Variants in PCDH15 observed in about 807,000 individuals in gnomAD.
PCDH15 encodes the protein protocadherin related 15.
PCDH15 carries 129 observed loss-of-function variants against 178.5 expected under a neutral mutation model. That is an observed-to-expected ratio of 0.72 (90% confidence interval 0.63 to 0.84). The LOEUF (loss-of-function observed/expected upper bound fraction) is 0.84. Among genes scored for constraint, PCDH15 ranks in the 40% least tolerant of loss-of-function variants. The probability of loss-of-function intolerance (pLI) is 0.00; values close to 1 mark genes in which losing one functional copy is unlikely to be tolerated. For synonymous variants in PCDH15, 800 were observed against 732.0 expected (o/e 1.09, Z -1.50); for missense variants, 2,230 against 2,099.9 (o/e 1.06, Z -1.21).
chr10:54,311,891 T>G (rs1398131161), intron 8 of PCDH15, among the ~76,000 whole-genome samples: 2 of 151,768 alleles, frequency 1.3e-5, no homozygotes, highest in Non-Finnish European at 2.9e-5. Flanking sequence ...TGAGATAAAT[T>G]TATTAATAGA....
Position 55,038,076 on chromosome 10 carries a change from A to T in PCDH15, c.-80+128500T>A, listed in dbSNP as rs1840779714. Reference sequence around the variant, plus strand: ...CACTCCTCTGGATTTCAAATTACTTATGATTTATTCTGAATTTATTATATG... The same window carrying T: ...CACTCCTCTGGATTTCAAATTACTTTTGATTTATTCTGAATTTATTATATG... On this transcript the variant is annotated intron_variant, in intron 2 of 5. Transcript: ENST00000458638. Among the ~76,000 whole-genome samples, 3 of 152,290 alleles carry T rather than the reference A, an allele frequency of 2.0e-5. No homozygotes were observed. The South Asian group carries it at 6.2e-4, about 32-fold the overall frequency.
intron 1 of PCDH15, among the ~76,000 whole-genome samples, chr10:54,752,444 T>C (rs1318701495): frequency 7.2e-6 from 1 of 139,762 alleles, no homozygotes; most frequent in Non-Finnish European, 1.5e-5. Context: ...GCCACTGCAC[T>C]CCAGCCTGGG....
At chr10:54,052,188 C>T (rs1304566707) in intron 18 of PCDH15, among the ~76,000 whole-genome samples, 2 of 152,220 alleles carry the variant, frequency 1.3e-5, no homozygotes, top group Non-Finnish European at 2.9e-5. Context: ...CACTGGGGCA[C>T]TGCCTAGTGA....
At chr10:54,366,473 G>A (rs1946808114) in intron 5 of PCDH15, among the ~76,000 whole-genome samples, 1 of 151,852 alleles carries the variant, frequency 6.6e-6, no homozygotes, top group African/African-American at 2.4e-5. Flanking sequence ...GCAAGATAGG[G>A]ATATCTATTT....
At chr10:54,815,249 T>C (rs1228510063) in intron 3 of PCDH15, among the ~76,000 whole-genome samples, 1 of 152,004 alleles carries the variant, frequency 6.6e-6, no homozygotes, top group East Asian at 1.9e-4. Flanking sequence ...ATAAAATATA[T>C]GTAGCTACTA....
At chr10:54,128,972 AAATAT>A (rs1330734953) in intron 15 of PCDH15, among the ~76,000 whole-genome samples, 2 of 152,330 alleles carry the variant, frequency 1.3e-5, no homozygotes, top group African/African-American at 4.8e-5. Context: ...AGATAAAATA[AAATAT>A]AATAGTTCTC....
intron 2 of PCDH15, among the ~76,000 whole-genome samples, chr10:55,119,110 A>G (rs1250594321): frequency 6.6e-6 from 1 of 152,156 alleles, no homozygotes; most frequent in Non-Finnish European, 1.5e-5. Flanking sequence ...TAGAAATTGC[A>G]TGTCCTTTGA....
chr10:55,246,196 C>T (rs920006337), intron 1 of PCDH15, among the ~76,000 whole-genome samples: 10 of 152,284 alleles, frequency 6.6e-5, no homozygotes, highest in East Asian at 1.9e-4. Context: ...TCACCATAAT[C>T]GGCTATGAAT....
At chr10:55,066,139 G>T (rs1230543324) in intron 2 of PCDH15, among the ~76,000 whole-genome samples, 10 of 151,394 alleles carry the variant, frequency 6.6e-5, no homozygotes, top group East Asian at 1.9e-4. Context: ...TTTAATCGAC[G>T]TATAAGGGTA....
chr10:55,298,571 G>A (rs1368785146), intron 1 of PCDH15, among the ~76,000 whole-genome samples: 1 of 152,024 alleles, frequency 6.6e-6, no homozygotes, highest in Non-Finnish European at 1.5e-5. Context: ...ATACCAACTG[G>A]ATAGTGTCGA....
At chr10:54,740,610 C>T (rs7916693) in intron 1 of PCDH15, among the ~76,000 whole-genome samples, 130,072 of 151,936 alleles carry the variant, frequency 0.86, 56,370 homozygotes, top group Non-Finnish European at 0.93. Context: ...ACAGCCAAGA[C>T]ATGACATTAA....
intron 2 of PCDH15, among the ~76,000 whole-genome samples, chr10:55,566,175 T>C (rs1351861636): frequency 1.3e-5 from 2 of 151,684 alleles, no homozygotes; most frequent in Non-Finnish European, 3.0e-5. Flanking sequence ...TTAAATGTAA[T>C]ATACCATATT....
intron 28 of PCDH15, among the ~76,000 whole-genome samples, 200 bp downstream of exon 28, chr10:53,856,975 G>T (rs1391556024): frequency 6.6e-6 from 1 of 152,004 alleles, no homozygotes; most frequent in East Asian, 1.9e-4. Context: ...AGGGGCATGA[G>T]GGCTGACAAA....
At chr10:54,051,592 C>T (rs2093776188) in intron 18 of PCDH15, among the ~76,000 whole-genome samples, 1 of 152,002 alleles carries the variant, frequency 6.6e-6, no homozygotes, top group South Asian at 2.1e-4. Context: ...TTTCTAAGTG[C>T]CAAAGGGTTC....
intron 5 of PCDH15, among the ~76,000 whole-genome samples, chr10:54,366,747 T>G (rs753180979): frequency 6.6e-6 from 1 of 150,930 alleles, no homozygotes. Flanking sequence ...ATATAAAGAG[T>G]ATGGGCAAAA....
intron 2 of PCDH15, among the ~76,000 whole-genome samples, chr10:54,998,752 C>A (rs531794069): frequency 6.6e-6 from 1 of 152,184 alleles, no homozygotes; most frequent in East Asian, 1.9e-4. Context: ...ACTAAATTTG[C>A]TATTCTGTTT....
chr10:55,422,386 C>T (rs1453486143), intron 2 of PCDH15, among the ~76,000 whole-genome samples: 4 of 151,760 alleles, frequency 2.6e-5, no homozygotes, highest in African/African-American at 9.7e-5. Context: ...AATATGATTC[C>T]TATACATTCC....
At chr10:53,975,530 T>A (rs2610898) in intron 21 of PCDH15, among the ~76,000 whole-genome samples, 65,182 of 151,994 alleles carry the variant, frequency 0.43, 14,269 homozygotes, top group Middle Eastern at 0.61. Flanking sequence ...CTCTGATTAT[T>A]AGTGATGAAC....
At chr10:54,312,356 G>A (rs1252553198) in intron 8 of PCDH15, among the ~76,000 whole-genome samples, 4 of 151,948 alleles carry the variant, frequency 2.6e-5, no homozygotes, top group African/African-American at 7.2e-5. Flanking sequence ...CCAGTACTAA[G>A]GATGATTTTA....
Sources: gnomAD v4.1 joint callset for allele counts (sites outside exome capture counted in the v4.1 genomes callset) on GRCh38, gnomAD v4.1.1 for gene constraint, MANE v1.5 for transcripts, NCBI Gene and HGNC (gene_info 2026-07-23, HGNC 2026-07-21) for gene names.